PRELID2: variants seen among roughly 807,000 people sequenced by gnomAD.
The protein encoded by PRELID2 is PRELI domain containing 2.
A neutral mutation model predicts 28.4 loss-of-function variants in PRELID2; 25 were observed. The ratio of observed to expected loss-of-function variants is 0.88; its 90% CI spans 0.64 to 1.23. PRELID2 has a LOEUF of 1.23. PRELID2 is among the 50% of genes most tolerant of loss of function. The pLI is 0.00. For missense variants in PRELID2, 201 were observed against 214.4 expected (o/e 0.94, Z 0.39); for synonymous variants, 76 against 71.6 (o/e 1.06, Z -0.31).
chr5:145,633,502 G>A (rs959951422), intron 1 of PRELID2, among the ~76,000 whole-genome samples: 1 of 152,162 alleles, frequency 6.6e-6, no homozygotes, highest in African/African-American at 2.4e-5. Flanking sequence ...GCAACAGAGA[G>A]AATAAGCTAC....
the PRELID2 span, among the ~76,000 whole-genome samples, chr5:145,316,266 T>C: frequency 6.6e-6 from 1 of 152,200 alleles, no homozygotes; most frequent in African/African-American, 2.4e-5. Flanking sequence ...TAACAGTTAA[T>C]CATGCAGAGC....
At chr5:145,727,390 G>C (rs1341500671) in intron 1 of PRELID2, among the ~76,000 whole-genome samples, 1 of 152,146 alleles carries the variant, frequency 6.6e-6, no homozygotes, top group Admixed American at 6.5e-5. Flanking sequence ...AAGGCCATGA[G>C]GGGTTTTAGA....
At chr5:145,569,815 T>C (rs1269219965) in intron 1 of PRELID2, among the ~76,000 whole-genome samples, 2 of 152,360 alleles carry the variant, frequency 1.3e-5, no homozygotes, top group East Asian at 1.9e-4. Flanking sequence ...TACCTCCCAA[T>C]GTTTTTGCTA....
chr5:145,650,104 A>T (rs999015378), intron 1 of PRELID2, among the ~76,000 whole-genome samples: 7 of 152,288 alleles, frequency 4.6e-5, no homozygotes, highest in Non-Finnish European at 1.0e-4. Flanking sequence ...TCCAAGAACT[A>T]ATCTATTTTT....
At chr5:145,311,180 G>A in the PRELID2 span, among the ~76,000 whole-genome samples, 1 of 152,166 alleles carries the variant, frequency 6.6e-6, no homozygotes, top group African/African-American at 2.4e-5. Context: ...TGGTCACTCA[G>A]GGACATAGAC....
chr5:145,419,967 G>T, the PRELID2 span, among the ~76,000 whole-genome samples: 1 of 151,884 alleles, frequency 6.6e-6, no homozygotes, highest in African/African-American at 2.4e-5. Flanking sequence ...AGTTTTCCCA[G>T]CACCATTTAT....
rs180875547 is a variant in PRELID2, at chr5:145,642,232, T to C, written n.70+122699A>G. ...CTAACTGGCGTGAGATGGTATCTCA[T>C]TGTGGTTTTGATTTGCGTTTCTCTA... On this transcript the variant is annotated intron_variant and non_coding_transcript_variant, in intron 1 of 2. Transcript: ENST00000510259. 1.5e-4 allele frequency among the ~76,000 whole-genome samples: 23 copies of C among 152,334 alleles called. No individual in the cohort carries two copies. In the East Asian group the frequency reaches 4.2e-3, roughly 28 times the overall value.
At chr5:145,473,575 CTAT>C (rs1383695118) in intron 1 of PRELID2, among the ~76,000 whole-genome samples, 1 of 152,098 alleles carries the variant, frequency 6.6e-6, no homozygotes, top group Non-Finnish European at 1.5e-5. Flanking sequence ...CCAAATTATG[CTAT>C]TATTATTACT....
chr5:145,794,809 T>C (rs565609957), intron 5 of PRELID2, among the ~76,000 whole-genome samples: 1 of 152,290 alleles, frequency 6.6e-6, no homozygotes, highest in African/African-American at 2.4e-5. Flanking sequence ...AAAGTCATTA[T>C]TAGGTTCATC....
chr5:145,456,132 C>G, the PRELID2 span, among the ~76,000 whole-genome samples: 1 of 152,182 alleles, frequency 6.6e-6, no homozygotes, highest in African/African-American at 2.4e-5. Context: ...CAAAATGTTA[C>G]TGAGCTATAA....
chr5:145,255,421 T>G, the PRELID2 span, among the ~76,000 whole-genome samples: 1 of 151,816 alleles, frequency 6.6e-6, no homozygotes, highest in African/African-American at 2.4e-5. Flanking sequence ...GTGGAAATAC[T>G]GAAAATATTT....
At chr5:145,649,491 T>C (rs571359983) in intron 1 of PRELID2, among the ~76,000 whole-genome samples, 120 of 152,304 alleles carry the variant, frequency 7.9e-4, no homozygotes, top group Non-Finnish European at 1.3e-3. Context: ...TGAGATGTAT[T>C]AAACCCATTT....
chr5:145,640,214 CG>C (rs1270069130), intron 1 of PRELID2, among the ~76,000 whole-genome samples: 2 of 151,786 alleles, frequency 1.3e-5, no homozygotes. Context: ...CGGCCGGGCG[CG>C]GTGGCTCACG....
At chr5:145,333,472 A>G in the PRELID2 span, among the ~76,000 whole-genome samples, 1 of 152,138 alleles carries the variant, frequency 6.6e-6, no homozygotes, top group Non-Finnish European at 1.5e-5. Flanking sequence ...CCCTGCCAAG[A>G]GAGGAGGAAT....
At chr5:145,733,464 G>T (rs1302277800) in intron 1 of PRELID2, among the ~76,000 whole-genome samples, 2 of 152,112 alleles carry the variant, frequency 1.3e-5, no homozygotes, top group African/African-American at 4.8e-5. Context: ...AAGTGGAAAA[G>T]CTTTAAAAAA....
intron 1 of PRELID2, among the ~76,000 whole-genome samples, chr5:145,542,180 G>A (rs1283640788): frequency 2.0e-5 from 3 of 151,896 alleles, no homozygotes; most frequent in East Asian, 1.9e-4. Flanking sequence ...CCCACCTTTC[G>A]GTCTCCTCTG....
At chr5:145,817,447 A>C (rs1221060493) in intron 4 of PRELID2, among the ~76,000 whole-genome samples, 6 of 130,252 alleles carry the variant, frequency 4.6e-5, no homozygotes, top group Non-Finnish European at 6.8e-5. Context: ...ATATATATAT[A>C]TCACATGGTT....
chr5:145,624,053 A>G (rs903625286), intron 1 of PRELID2, among the ~76,000 whole-genome samples: 3 of 152,086 alleles, frequency 2.0e-5, no homozygotes, highest in African/African-American at 7.2e-5. Context: ...ATAACTCACG[A>G]ATGTGCTTTA....
chr5:145,483,650 C>T (rs1321263005), intron 1 of PRELID2, among the ~76,000 whole-genome samples: 4 of 152,150 alleles, frequency 2.6e-5, no homozygotes, highest in Non-Finnish European at 2.9e-5. Flanking sequence ...AGTGATAGAG[C>T]CAGGAACTAA....
Sources: allele counts gnomAD v4.1 joint callset (sites outside exome capture counted in the v4.1 genomes callset), GRCh38; gene constraint gnomAD v4.1.1; transcripts MANE v1.5; gene names NCBI Gene and HGNC (gene_info 2026-07-23, HGNC 2026-07-21).